Variants in FAR2 observed in about 807,000 individuals in gnomAD.
The protein encoded by FAR2 is epididymis secretory protein Li 81.
In FAR2, 19 loss-of-function variants were observed where a neutral mutation model predicts 56.0. The ratio of observed to expected loss-of-function variants is 0.34; its 90% CI spans 0.24 to 0.50. The LOEUF (loss-of-function observed/expected upper bound fraction) is 0.50. FAR2 is among the 20% of genes least tolerant of loss of function. The pLI is 0.98. For synonymous variants in FAR2, 219 were observed against 218.8 expected (o/e 1.00, Z -0.01); for missense variants, 508 against 642.2 (o/e 0.79, Z 2.26).
At chr12:29,241,138 C>G (rs1948028128) in intron 1 of FAR2, among the ~76,000 whole-genome samples, 1 of 152,122 alleles carries the variant, frequency 6.6e-6, no homozygotes, top group East Asian at 1.9e-4. Flanking sequence ...ATTGAAAGTG[C>G]CACTCTGAAT....
intron 1 of FAR2, among the ~76,000 whole-genome samples, chr12:29,191,937 A>G (rs35100017): frequency 0.039 from 5,901 of 152,330 alleles, 334 homozygotes; most frequent in African/African-American, 0.13. Flanking sequence ...AAGGTAACAA[A>G]TTCTTGTATA....
chr12:29,257,111 C>G (rs1565491321), intron 1 of FAR2, among the ~76,000 whole-genome samples: 1 of 152,242 alleles, frequency 6.6e-6, no homozygotes, highest in Non-Finnish European at 1.5e-5. Flanking sequence ...GCTCCTGAGT[C>G]TGGTGGGGAC....
intron 1 of FAR2, among the ~76,000 whole-genome samples, chr12:29,161,486 T>C (rs1182801610): frequency 1.3e-5 from 2 of 152,262 alleles, no homozygotes; most frequent in Non-Finnish European, 2.9e-5. Flanking sequence ...TGTAGATTAT[T>C]CATTCACATT....
chr12:29,207,926 G>C (rs1329739902), intron 1 of FAR2, among the ~76,000 whole-genome samples: 2 of 152,184 alleles, frequency 1.3e-5, no homozygotes, highest in Admixed American at 1.3e-4. Context: ...TTTAGGCCAG[G>C]CATGGTGGCT....
chr12:29,302,501 T>C (rs1949191390), intron 4 of FAR2, among the ~76,000 whole-genome samples: 1 of 152,120 alleles, frequency 6.6e-6, no homozygotes. Context: ...ACACAGCCAG[T>C]AGTCCATCTT....
At chr12:29,316,781 C>T (rs768577497) in intron 8 of FAR2, 60 bp from the exon 9 acceptor site, 48 of 1,530,118 alleles carry the variant, frequency 3.1e-5, no homozygotes, top group Non-Finnish European at 3.9e-5. Context: ...AAATGCTTTC[C>T]ACTATGATGG....
intron 1 of FAR2, among the ~76,000 whole-genome samples, chr12:29,234,838 A>G (rs552473962): frequency 6.6e-6 from 1 of 152,248 alleles, no homozygotes; most frequent in Non-Finnish European, 1.5e-5. Flanking sequence ...TGCCTTCAAT[A>G]TCTGTTAAAT....
chr12:29,322,533 A>G (rs994165213), intron 10 of FAR2, among the ~76,000 whole-genome samples: 2 of 152,216 alleles, frequency 1.3e-5, no homozygotes, highest in Admixed American at 6.5e-5. Context: ...TTAATTCCTT[A>G]GCACCAGCAC....
At chr12:29,181,693 A>AT in intron 1 of FAR2, among the ~76,000 whole-genome samples, 1 of 152,374 alleles carries the variant, frequency 6.6e-6, no homozygotes, top group Middle Eastern at 3.4e-3. Context: ...AAATCTGCCC[A>AT]TCTGGGCTCT....
At chr12:29,191,960 C>A (rs560859259) in intron 1 of FAR2, among the ~76,000 whole-genome samples, 1 of 151,910 alleles carries the variant, frequency 6.6e-6, no homozygotes, top group South Asian at 2.1e-4. Context: ...GACTACTACT[C>A]CTTTAAAATA....
At chr12:29,158,707 C>T (rs1468359395) in intron 1 of FAR2, among the ~76,000 whole-genome samples, 1 of 152,238 alleles carries the variant, frequency 6.6e-6, no homozygotes, top group Non-Finnish European at 1.5e-5. Flanking sequence ...GCACATATCA[C>T]ACCATCTTGT....
At chr12:29,250,260 A>G (rs924972385) in intron 1 of FAR2, among the ~76,000 whole-genome samples, 2 of 152,196 alleles carry the variant, frequency 1.3e-5, no homozygotes, top group Non-Finnish European at 2.9e-5. Flanking sequence ...CAGGAGCAAA[A>G]TAGCTGGATC....
chr12:29,187,828 A>T lies in FAR2; in HGVS notation c.-39+38421A>T, dbSNP rs1591838937. On this transcript the variant is annotated intron_variant, in intron 1 of 11. Transcript: ENST00000536681. Reference sequence around the variant, plus strand: ...CAACTTAATGGTTTCTGTCAGAACTACTCAACTCTGCTTCCCATTGTAGCA... The same window carrying T: ...CAACTTAATGGTTTCTGTCAGAACTTCTCAACTCTGCTTCCCATTGTAGCA... 2.0e-5 allele frequency among the ~76,000 whole-genome samples: 3 copies of T among 152,280 alleles called. No homozygotes were observed. In the South Asian group the frequency reaches 6.2e-4, roughly 32 times the overall value.
chr12:29,257,672 G>A (rs997041626), intron 1 of FAR2, among the ~76,000 whole-genome samples: 7 of 151,356 alleles, frequency 4.6e-5, no homozygotes, highest in African/African-American at 7.3e-5. Flanking sequence ...CAGACGCGCC[G>A]CCTTAAGAGC....
chr12:29,199,843 T>G (rs554906540), intron 1 of FAR2, among the ~76,000 whole-genome samples: 182 of 152,288 alleles, frequency 1.2e-3, no homozygotes, highest in African/African-American at 3.8e-3. Flanking sequence ...CTCGTGTTTC[T>G]GGCTAGAGTG....
In FAR2 at chr12:29,333,929, T is replaced by A; in HGVS notation, c.*135T>A. 1.4e-6 allele frequency: 1 copy of A among 722,412 alleles called. No individual in the cohort carries two copies. Among genetic ancestry groups the A allele is most frequent in the South Asian group, 2.5e-5 (1 of 40,526 alleles). 44.8% of individuals were successfully genotyped at this position (722,412 alleles called of 1,614,324 possible). On this transcript the variant is annotated 3_prime_UTR_variant, in exon 12 of 12. Transcript: ENST00000536681. ...GTCACCTGTTATGTATTCGTCCCTA[T>A]TCCTTAACTATGTATTTTTATTTCA...
At chr12:29,266,662 A>T (rs1948521682) in intron 1 of FAR2, among the ~76,000 whole-genome samples, 1 of 152,100 alleles carries the variant, frequency 6.6e-6, no homozygotes, top group Admixed American at 6.5e-5. Context: ...GTTGTTTGTA[A>T]CACAAAGAAT....
intron 2 of FAR2, among the ~76,000 whole-genome samples, chr12:29,290,762 C>T (rs1758706633): frequency 6.6e-6 from 1 of 152,118 alleles, no homozygotes; most frequent in Admixed American, 6.5e-5. Context: ...GAAAGACAAA[C>T]ATTGCATGTT....
chr12:29,252,944 A>G (rs551039671), intron 1 of FAR2, among the ~76,000 whole-genome samples: 30 of 152,280 alleles, frequency 2.0e-4, no homozygotes, highest in Non-Finnish European at 3.5e-4. Flanking sequence ...TGAGTGAAGC[A>G]GGTTACCCTT....
Sources: gnomAD v4.1 joint callset for allele counts (sites outside exome capture counted in the v4.1 genomes callset) on GRCh38, gnomAD v4.1.1 for gene constraint, MANE v1.5 for transcripts, NCBI Gene and HGNC (gene_info 2026-07-23, HGNC 2026-07-21) for gene names.